AAR2: variants seen among roughly 807,000 people sequenced by gnomAD.
The protein encoded by AAR2 is AAR2 splicing factor.
Under a neutral mutation model 26.9 loss-of-function variants are expected in AAR2, and 31 were observed. That is an observed-to-expected ratio of 1.15 (90% confidence interval 0.86 to 1.55). The LOEUF (loss-of-function observed/expected upper bound fraction) is 1.55. Among genes scored for constraint, AAR2 ranks in the 40% most tolerant of loss-of-function variants. The pLI is 0.00. For missense variants in AAR2, 430 were observed against 491.3 expected, an observed-to-expected ratio of 0.88 and a Z score of 1.18; for synonymous variants, 188 against 196.1, an observed-to-expected ratio of 0.96 and a Z score of 0.34.
At position 36,253,326 on chromosome 20, in the gene AAR2, G is replaced by A. The variant is rs781635306; in HGVS notation, c.988-2252G>A. Reference sequence around the variant, plus strand: ...GCATGAGGGCGATGTGGATCAAAGAGCTTCTTCCACCGTCACAACCCTGTG... The same window carrying A: ...GCATGAGGGCGATGTGGATCAAAGAACTTCTTCCACCGTCACAACCCTGTG... On this transcript the variant is annotated intron_variant, in intron 3 of 3. Coordinates refer to ENST00000320849, the MANE Select transcript of AAR2 (RefSeq NM_001271874.2). Among the ~76,000 whole-genome samples the A allele has an allele frequency of 1.6e-4, 25 of 152,312 alleles. No homozygotes were observed. The South Asian group carries it at 1.7e-3, about 10-fold the overall frequency.
chr20:36,248,700 A>G (rs1404055048), intron 3 of AAR2, among the ~76,000 whole-genome samples: 1 of 152,134 alleles, frequency 6.6e-6, no homozygotes, highest in African/African-American at 2.4e-5. Flanking sequence ...TGTAAATATC[A>G]TAGGTATAAA....
chr20:36,237,405 G>A (rs1007368020), intron 1 of AAR2, among the ~76,000 whole-genome samples: 5 of 152,184 alleles, frequency 3.3e-5, no homozygotes, highest in African/African-American at 1.2e-4. Flanking sequence ...GGGAGGTGGT[G>A]GAGAGAAGTG....
At chr20:36,237,358 A>C (rs549533314) in intron 1 of AAR2, among the ~76,000 whole-genome samples, 11 of 152,312 alleles carry the variant, frequency 7.2e-5, no homozygotes, top group Admixed American at 4.6e-4. Flanking sequence ...GTTGAGGAGC[A>C]AGCACTCTGA....
intron 1 of AAR2, 130 bp from the exon 2 acceptor site, chr20:36,239,691 G>T (rs1433386441): frequency 2.8e-6 from 2 of 717,812 alleles, no homozygotes; most frequent in African/African-American, 3.6e-5. Flanking sequence ...CTCAATGCAG[G>T]GTTGTCATGA....
Position 36,255,583 on chromosome 20 carries a change from C to A in AAR2, c.993C>A (p.Phe331Leu). ...TTATCCTCTGTTCTCTGTAGGTTTTCTTTTCCTCTGCCTGCAGCATTGCCG... is the reference window on the plus strand; with the variant it reads ...TTATCCTCTGTTCTCTGTAGGTTTTATTTTCCTCTGCCTGCAGCATTGCCG... ...DNFLTSTLQVFFSSACSIAVD... is the reference protein window; with the variant it reads ...DNFLTSTLQVLFSSACSIAVD... The change falls in exon 4 of 4, where the codon TTC (phenylalanine) becomes TTA (leucine). Residue 331 changes from phenylalanine (F) to leucine (L), a missense_variant. Coordinates refer to ENST00000320849, the MANE Select transcript of AAR2 (RefSeq NM_001271874.2). 2 of 1,614,220 alleles carry A rather than the reference C, an allele frequency of 1.2e-6. No homozygotes were observed. Among genetic ancestry groups the A allele is most frequent in the Non-Finnish European group, 1.7e-6 (2 of 1,180,040 alleles).
At position 36,244,798 on chromosome 20, in the gene AAR2, G is replaced by C; in HGVS notation, c.859G>C (p.Ala287Pro). ...GAACCTCCTGTGCCGGTCAGAAGCAGCCATGATGAAGCACCACACCCTCTA... is the reference window on the plus strand; with the variant it reads ...GAACCTCCTGTGCCGGTCAGAAGCACCCATGATGAAGCACCACACCCTCTA... ...LLNLLCRSEA[A>P]MMKHHTLYIN... The change falls in exon 3 of 4, where the codon GCC (alanine) becomes CCC (proline). Residue 287 changes from alanine to proline, a missense_variant. Physicochemically the swap from Ala to Pro is conservative, Grantham distance 27. Transcript: ENST00000320849. 1 of 1,614,210 alleles carries C rather than the reference G, an allele frequency of 6.2e-7. No homozygotes were observed. Among genetic ancestry groups the C allele is most frequent in the Middle Eastern group, 1.6e-4 (1 of 6,062 alleles).
At chr20:36,238,228 G>A (rs576641573) in intron 1 of AAR2, among the ~76,000 whole-genome samples, 4 of 152,100 alleles carry the variant, frequency 2.6e-5, no homozygotes, top group Non-Finnish European at 5.9e-5. Flanking sequence ...TACTCATGAT[G>A]TATTGTGATA....
In AAR2 at chr20:36,240,477, G is replaced by A. The variant is rs2064668586; in HGVS notation, c.609G>A (p.Gly203=). The A allele has an allele frequency of 1.9e-6, 3 of 1,614,176 alleles. No homozygotes were observed. Among genetic ancestry groups the A allele is most frequent in the Non-Finnish European group, 2.5e-6 (3 of 1,180,054 alleles). The stretch of plus-strand genomic sequence containing the variant: ...TACCAGAGATGAAGCCCAGAGCCGG[G>A]ACAGAGATCCGCTTCTCAGAGCTGC... ...ARLPEMKPRA[G]TEIRFSELPT... Residue 203 remains glycine (G), a synonymous_variant, in exon 2 of 4, where the codon GGG becomes GGA. Transcript: ENST00000320849.
At chr20:36,236,667 C>A (rs1211609581) in intron 1 of AAR2, 164 bp downstream of exon 1, 1 of 152,260 alleles carries the variant, frequency 6.6e-6, no homozygotes, top group African/African-American at 2.4e-5. Context: ...TCTGGAGGCC[C>A]TTCCTGAGAA....
Position 36,240,319 on chromosome 20 carries a change from G to A in AAR2, c.451G>A (p.Glu151Lys), listed in dbSNP as rs1364161394. The A allele has an allele frequency of 1.9e-5, 31 of 1,614,120 alleles. No individual in the cohort carries two copies. The highest frequency in any genetic ancestry group is 2.7e-5 in the African/African-American group (2 of 74,936). The change falls in exon 2 of 4, where the codon GAG becomes AAG. Residue 151 changes from glutamate (E) to lysine (K), a missense_variant. Transcript: ENST00000320849. ...SEATVEKLQP[E>K]NRQICAFSDV... ...AGCCACAGTGGAGAAGCTACAGCCC[G>A]AGAATCGACAGATCTGTGCCTTTTC...
At chr20:36,242,140 C>CTT (rs1569425119) in intron 2 of AAR2, among the ~76,000 whole-genome samples, 1 of 135,208 alleles carries the variant, frequency 7.4e-6, no homozygotes, top group African/African-American at 3.0e-5. Context: ...GAATGTAGGA[C>CTT]TTCTTTTTTT....
rs768875388 is a variant in AAR2, at chr20:36,244,773, G to A, written c.834G>A (p.Leu278=). The stretch of plus-strand genomic sequence containing the variant: ...CATTTGAGCATTGGAAGCGGCTCCT[G>A]AACCTCCTGTGCCGGTCAGAAGCAG... ...YEAFEHWKRL[L]NLLCRSEAAM... Residue 278 remains leucine, a synonymous_variant, in exon 3 of 4, where the codon CTG becomes CTA. Transcript: ENST00000320849. 9 of 1,614,062 alleles carry A rather than the reference G, an allele frequency of 5.6e-6. No individual in the cohort carries two copies. Among genetic ancestry groups the A allele is most frequent in the Non-Finnish European group, 7.6e-6 (9 of 1,180,044 alleles).
intron 1 of AAR2, among the ~76,000 whole-genome samples, chr20:36,238,482 C>T (rs761479723): frequency 6.6e-6 from 1 of 152,134 alleles, no homozygotes; most frequent in African/African-American, 2.4e-5. Flanking sequence ...CAGGGCCAGG[C>T]ATGGTGGCTC....
chr20:36,246,289 C>G (rs1039563788), intron 3 of AAR2, among the ~76,000 whole-genome samples: 2 of 152,168 alleles, frequency 1.3e-5, no homozygotes, highest in Non-Finnish European at 2.9e-5. Context: ...GTACAGAACG[C>G]TTTTCTAAAG....
rs754497580 is a variant in AAR2 at position 36,255,591 on chromosome 20, C to T, written c.1001C>T (p.Ser334Phe). 6.2e-7 allele frequency: 1 copy of T among 1,614,242 alleles called. No individual in the cohort carries two copies. ...TGTTCTCTGTAGGTTTTCTTTTCCT[C>T]TGCCTGCAGCATTGCCGTGGATGCC... Reference protein sequence around the residue: ...LTSTLQVFFSSACSIAVDATL... With the variant: ...LTSTLQVFFSFACSIAVDATL... Residue 334 changes from serine to phenylalanine, a missense_variant, in exon 4 of 4, where the codon TCT becomes TTT. Coordinates refer to ENST00000320849, the MANE Select transcript of AAR2 (RefSeq NM_001271874.2).
intron 3 of AAR2, among the ~76,000 whole-genome samples, chr20:36,245,846 C>A (rs1046988743): frequency 6.6e-6 from 1 of 152,260 alleles, no homozygotes; most frequent in African/African-American, 2.4e-5. Context: ...TATAGTGAGA[C>A]CCCGTCTCTC....
At position 36,244,843 on chromosome 20, in the gene AAR2, C is replaced by T; in HGVS notation, c.904C>T (p.Leu302=). ...HTLYINLISI[L]YHQLGEIPAD... Reference sequence around the variant, plus strand: ...CCTCTACATCAACCTCATCTCCATCCTGTACCACCAGCTTGGTGAGATCCC... The same window carrying T: ...CCTCTACATCAACCTCATCTCCATCTTGTACCACCAGCTTGGTGAGATCCC... The change falls in exon 3 of 4, where the codon CTG becomes TTG. Residue 302 remains leucine, a synonymous_variant. Coordinates refer to ENST00000320849, the MANE Select transcript of AAR2 (RefSeq NM_001271874.2). The T allele has an allele frequency of 1.2e-6, 2 of 1,614,202 alleles. No individual in the cohort carries two copies. The highest frequency in any genetic ancestry group is 1.6e-4 in the Middle Eastern group (1 of 6,062).
At chr20:36,251,632 C>T (rs1254040671) in intron 3 of AAR2, among the ~76,000 whole-genome samples, 1 of 152,238 alleles carries the variant, frequency 6.6e-6, no homozygotes, top group Non-Finnish European at 1.5e-5. Context: ...GCATTTGTCA[C>T]TGCGTGTTGC....
At chr20:36,249,559 C>T (rs1451824889) in intron 3 of AAR2, among the ~76,000 whole-genome samples, 1 of 152,152 alleles carries the variant, frequency 6.6e-6, no homozygotes, top group Non-Finnish European at 1.5e-5. Context: ...AGGGAAAACA[C>T]CAACTCTGAC....
Sources: allele counts gnomAD v4.1 joint callset (sites outside exome capture counted in the v4.1 genomes callset), GRCh38; gene constraint gnomAD v4.1.1; transcripts MANE v1.5; gene names NCBI Gene and HGNC (gene_info 2026-07-23, HGNC 2026-07-21).